DNA2: variants seen among roughly 807,000 people sequenced by gnomAD.
DNA2 encodes the protein DNA replication ATP-dependent helicase/nuclease DNA2.
A neutral mutation model predicts 119.1 loss-of-function variants in DNA2; 101 were observed. That is an observed-to-expected ratio of 0.85 (90% CI 0.72 to 1.00). The LOEUF (loss-of-function observed/expected upper bound fraction) is 1.00. Among genes scored for constraint, DNA2 ranks in the 50% least tolerant of loss-of-function variants. DNA2 has a pLI of 0.00. For missense variants in DNA2, 1,121 were observed against 1,255.5 expected (o/e 0.89, Z 1.62); for synonymous variants, 366 against 424.4 (o/e 0.86, Z 1.69).
chr10:68,437,837 A>T (rs2051911765), intron 9 of DNA2, among the ~76,000 whole-genome samples: 6 of 151,908 alleles, frequency 3.9e-5, no homozygotes, highest in Admixed American at 3.9e-4. Context: ...CAGTCTCCTG[A>T]GTAGCTAGGA....
chr10:68,415,884 T>C (rs1365029926), intron 20 of DNA2, among the ~76,000 whole-genome samples: 2 of 150,358 alleles, frequency 1.3e-5, no homozygotes, highest in Non-Finnish European at 3.0e-5. Context: ...AATCTCAACC[T>C]CGCAATCCAC....
chr10:68,458,550 A>AG (rs1237134249), intron 5 of DNA2, among the ~76,000 whole-genome samples: 1 of 151,934 alleles, frequency 6.6e-6, no homozygotes. Flanking sequence ...GAAAAAAAAA[A>AG]AAAAGAAGAA....
At chr10:68,464,776 C>T (rs1308557458) in intron 4 of DNA2, among the ~76,000 whole-genome samples, 1 of 137,572 alleles carries the variant, frequency 7.3e-6, no homozygotes, top group African/African-American at 2.8e-5. Context: ...TTGTGGTGAC[C>T]TGAGATCACA....
chr10:68,415,680 G>GT (rs1408223011), intron 20 of DNA2, among the ~76,000 whole-genome samples: 6 of 151,780 alleles, frequency 4.0e-5, no homozygotes, highest in African/African-American at 9.7e-5. Flanking sequence ...GTTTTGTTTT[G>GT]TTTTTTGAGA....
At chr10:68,453,596 A>C (rs1446707006) in intron 5 of DNA2, among the ~76,000 whole-genome samples, 1 of 152,224 alleles carries the variant, frequency 6.6e-6, no homozygotes, top group Non-Finnish European at 1.5e-5. Context: ...GGAACTAAAA[A>C]ATTCCATTGC....
chr10:68,415,192 A>C, intron 20 of DNA2, 85 bp from the exon 21 acceptor site: 9 of 795,916 alleles, frequency 1.1e-5, no homozygotes, highest in Non-Finnish European at 1.8e-5. Flanking sequence ...TTGTAATTTG[A>C]CTTACAGGAC....
At chr10:68,426,628 G>A (rs1358751013) in intron 14 of DNA2, among the ~76,000 whole-genome samples, 3 of 150,488 alleles carry the variant, frequency 2.0e-5, no homozygotes, top group Admixed American at 6.6e-5. Flanking sequence ...AAGGTCAGGA[G>A]ATGGAGACCA....
At chr10:68,471,664 C>A in intron 1 of DNA2, 127 bp downstream of exon 1, 5 of 1,202,680 alleles carry the variant, frequency 4.2e-6, no homozygotes, top group Non-Finnish European at 5.6e-6. Context: ...CGTCGGGTGC[C>A]CAGGGAGCTG....
rs995128161 is a variant in DNA2 at position 68,452,970 on chromosome 10, G to A, written c.720-2723C>T. 6.0e-5 allele frequency among the ~76,000 whole-genome samples: 9 copies of A among 150,314 alleles called. No homozygotes were observed. In the South Asian group the frequency reaches 1.3e-3, roughly 21 times the overall value. ...GGCTGGAGTATAGTGGTGCAATCTC[G>A]GCTCACTGCAACTTCCACCTCCCGG... On this transcript the variant is annotated intron_variant, in intron 5 of 20. Coordinates refer to ENST00000358410, the MANE Select transcript of DNA2 (RefSeq NM_001080449.3).
intron 4 of DNA2, 125 bp from the exon 5 acceptor site, chr10:68,459,360 C>T: frequency 1.0e-6 from 1 of 970,324 alleles, no homozygotes; most frequent in South Asian, 2.0e-5. Context: ...ATAAGCAACC[C>T]AACTGTTCGT....
At chr10:68,461,953 A>G (rs1435225342) in intron 4 of DNA2, among the ~76,000 whole-genome samples, 1 of 152,096 alleles carries the variant, frequency 6.6e-6, no homozygotes. Flanking sequence ...AAAAATAAAT[A>G]AGGAAGAAAG....
intron 14 of DNA2, chr10:68,425,098 T>C (rs1287379425): frequency 5.1e-5 from 15 of 295,516 alleles, no homozygotes; most frequent in African/African-American, 9.9e-5. Flanking sequence ...CTTTTTTTTT[T>C]TTTTTTTTTT....
chr10:68,419,791 A>G lies in DNA2; in HGVS notation c.2787+12T>C. ...ACTTTAATATTTGCTAGCCTTGAAAATTCTAAATTACCTTAACAAAAATGG... is the reference window on the plus strand; with the variant it reads ...ACTTTAATATTTGCTAGCCTTGAAAGTTCTAAATTACCTTAACAAAAATGG... On this transcript the variant is annotated intron_variant, in intron 18 of 20. Coordinates refer to ENST00000358410, the MANE Select transcript of DNA2 (RefSeq NM_001080449.3). 1 of 1,598,554 alleles carries G rather than the reference A, an allele frequency of 6.3e-7. No individual in the cohort carries two copies. Among genetic ancestry groups the G allele is most frequent in the Non-Finnish European group, 8.6e-7 (1 of 1,166,202 alleles).
chr10:68,420,674 C>T (rs537911071), intron 17 of DNA2, among the ~76,000 whole-genome samples: 2 of 151,270 alleles, frequency 1.3e-5, no homozygotes, highest in Non-Finnish European at 2.9e-5. Flanking sequence ...CTACTTTCCT[C>T]CTACATCATC....
At chr10:68,416,397 TTGAGGGTGCAGTGAGCTCTGATCATA>T (rs2133350670) in intron 20 of DNA2, among the ~76,000 whole-genome samples, 1 of 152,170 alleles carries the variant, frequency 6.6e-6, no homozygotes, top group South Asian at 2.1e-4. Flanking sequence ...GCCTGGGAGA[TTGAGGGTGCAGTGAGCTCTGATCATA>T]TCACTGCACT....
At chr10:68,449,934 A>T in intron 6 of DNA2, 94 bp downstream of exon 6, 2 of 899,848 alleles carry the variant, frequency 2.2e-6, no homozygotes, top group South Asian at 1.8e-5. Context: ...AGACCACGCC[A>T]CTGCTCTCCA....
intron 6 of DNA2, among the ~76,000 whole-genome samples, chr10:68,446,710 T>C (rs937285925): frequency 6.6e-6 from 1 of 151,940 alleles, no homozygotes; most frequent in Admixed American, 6.6e-5. Flanking sequence ...GACCAAGTGA[T>C]AGTCATTATG....
intron 10 of DNA2, chr10:68,436,778 C>T (rs1465606820): frequency 2.0e-5 from 7 of 356,888 alleles, no homozygotes; most frequent in South Asian, 5.3e-5. Flanking sequence ...GTGGTTGCCA[C>T]GGGCTGGGGA....
chr10:68,449,027 G>T (rs933853967), intron 6 of DNA2, among the ~76,000 whole-genome samples: 1 of 140,792 alleles, frequency 7.1e-6, no homozygotes, highest in South Asian at 2.3e-4. Flanking sequence ...TCAAACTCCC[G>T]ACCTCAAGTG....
Sources: allele counts gnomAD v4.1 joint callset (sites outside exome capture counted in the v4.1 genomes callset), GRCh38; gene constraint gnomAD v4.1.1; transcripts MANE v1.5; gene names NCBI Gene and HGNC (gene_info 2026-07-23, HGNC 2026-07-21).